Variants in MOCOS observed in about 807,000 individuals in gnomAD.
MOCOS encodes the protein molybdenum cofactor sulfurase, also known as human molybdenum cofactor sulfurase.
A neutral mutation model predicts 83.6 loss-of-function variants in MOCOS; 86 were observed. That is an observed-to-expected ratio of 1.03 (90% CI 0.86 to 1.23). The LOEUF (loss-of-function observed/expected upper bound fraction) is 1.23, where lower values mean the gene tolerates loss of function less well. Among genes scored for constraint, MOCOS ranks in the 50% most tolerant of loss-of-function variants. The pLI is 0.00. For missense variants in MOCOS, 1,120 were observed against 1,126.9 expected (o/e 0.99, Z 0.09); for synonymous variants, 445 against 434.7 (o/e 1.02, Z -0.29).
At chr18:36,254,464 G>C (rs1241916224) in intron 11 of MOCOS, among the ~76,000 whole-genome samples, 39 of 103,702 alleles carry the variant, frequency 3.8e-4, no homozygotes, top group African/African-American at 1.1e-3. Context: ...ATCTCTGTGT[G>C]TGTGTGTGTG....
chr18:36,207,846 T>C (rs1414903710), intron 6 of MOCOS, among the ~76,000 whole-genome samples: 2 of 152,200 alleles, frequency 1.3e-5, no homozygotes, highest in African/African-American at 4.8e-5. Flanking sequence ...GCTTTTGGAG[T>C]CTTCATCATG....
chr18:36,266,707 T>A (rs1245146011), intron 13 of MOCOS, 42 bp from the exon 14 acceptor site: 7 of 1,553,054 alleles, frequency 4.5e-6, no homozygotes, highest in Non-Finnish European at 6.2e-6. Context: ...AAGGCTCTGG[T>A]CACTTTTGTG....
chr18:36,191,752 A>G (rs370713552), intron 1 of MOCOS, among the ~76,000 whole-genome samples: 3 of 884 alleles, frequency 3.4e-3, no homozygotes, highest in Non-Finnish European at 0.031. Flanking sequence ...ATACGTGTGC[A>G]CACACACACA....
At position 36,231,714 on chromosome 18, in the gene MOCOS, G is replaced by C. The variant is rs73432636; in HGVS notation, c.1960+11497G>C. Among the ~76,000 whole-genome samples the C allele has an allele frequency of 5.6e-3, 851 of 152,262 alleles. 4 individuals carry two copies. The highest frequency in any genetic ancestry group is 0.019 in the African/African-American group (789 of 41,560). ...GTCTATTTCTAAAGGATTGAAGGTA[G>C]CTTAGAGAACAATGACCCACGATGT... On this transcript the variant is annotated intron_variant, in intron 9 of 14. Coordinates refer to ENST00000261326, the MANE Select transcript of MOCOS (RefSeq NM_017947.4).
intron 8 of MOCOS, among the ~76,000 whole-genome samples, chr18:36,219,477 G>C (rs2091487706): frequency 6.6e-6 from 1 of 152,048 alleles, no homozygotes; most frequent in Non-Finnish European, 1.5e-5. Flanking sequence ...TCAGGAGTTT[G>C]AGACCAGCCT....
Position 36,270,747 on chromosome 18 carries a change from A to T in MOCOS, c.*2062A>T, listed in dbSNP as rs971062759. On this transcript the variant is annotated 3_prime_UTR_variant, in exon 15 of 15. Transcript: ENST00000261326. The stretch of plus-strand genomic sequence containing the variant: ...AAAAAAAAATTAGGTCACTTTTGTC[A>T]TCAAGAATATGTTTTTCTTATCCAC... 1 of 151,052 alleles carries T rather than the reference A, an allele frequency of 6.6e-6. No homozygotes were observed. Among genetic ancestry groups the T allele is most frequent in the African/African-American group, 2.4e-5 (1 of 41,018 alleles). 9.4% of individuals were successfully genotyped at this position (151,052 alleles called of 1,614,324 possible).
rs114879696 is a variant in MOCOS at position 36,194,998 on chromosome 18, G to A, written c.143-259G>A. ...AATGTCTGCTGGGCGTCTTCTCTGT[G>A]TGGGATGCTGTTCCAGGTTCACAAA... On this transcript the variant is annotated intron_variant, in intron 1 of 14. Transcript: ENST00000261326. 4.5e-3 allele frequency among the ~76,000 whole-genome samples: 688 copies of A among 152,340 alleles called. 6 individuals are homozygous for A. The highest frequency in any genetic ancestry group is 0.015 in the African/African-American group (625 of 41,580).
chr18:36,201,194 AC>A (rs778694331), intron 4 of MOCOS, among the ~76,000 whole-genome samples: 1 of 151,878 alleles, frequency 6.6e-6, no homozygotes, highest in Non-Finnish European at 1.5e-5. Flanking sequence ...TCCCCAACAG[AC>A]CCCACACAGA....
At chr18:36,255,268 G>A (rs2091637486) in intron 11 of MOCOS, among the ~76,000 whole-genome samples, 1 of 152,170 alleles carries the variant, frequency 6.6e-6, no homozygotes, top group Admixed American at 6.5e-5. Flanking sequence ...AGTTTCGTTA[G>A]TGCAGTGTCA....
chr18:36,215,224 C>A (rs921234143), intron 7 of MOCOS, among the ~76,000 whole-genome samples: 13 of 152,170 alleles, frequency 8.5e-5, no homozygotes, highest in African/African-American at 3.1e-4. Flanking sequence ...GTGAGCCAGC[C>A]CTGTGCCTGG....
chr18:36,259,323 T>A lies in MOCOS; in HGVS notation c.2271-714T>A, dbSNP rs368647875. Among the ~76,000 whole-genome samples the A allele has an allele frequency of 4.0e-5, 6 of 151,846 alleles. No individual in the cohort carries two copies. The East Asian group carries it at 7.8e-4, about 20-fold the overall frequency. ...AGCTGGGCATGGTGGCACATGCTTG[T>A]AGTCCCACCTACTTGGGAGGCTGAG... is the stretch of plus-strand genomic sequence containing the variant. On this transcript the variant is annotated intron_variant, in intron 12 of 14. Coordinates refer to ENST00000261326, the MANE Select transcript of MOCOS (RefSeq NM_017947.4).
At chr18:36,250,094 A>G (rs1056153867) in intron 10 of MOCOS, among the ~76,000 whole-genome samples, 5 of 152,164 alleles carry the variant, frequency 3.3e-5, no homozygotes, top group African/African-American at 7.2e-5. Context: ...AAATTTTCCA[A>G]TCTTGGGAAA....
rs192954672 is a variant in MOCOS, at chr18:36,220,541, A to G, written c.1960+324A>G. Among the ~76,000 whole-genome samples the G allele has an allele frequency of 6.7e-3, 1,022 of 152,230 alleles. 3 individuals carry two copies. The highest frequency in any genetic ancestry group is 0.012 in the Non-Finnish European group (829 of 68,012). ...AAAATGGGTAAAATAACCTGAAAGT[A>G]AGGGAAATAGTGTCTAGGAAACACA... On this transcript the variant is annotated intron_variant, in intron 9 of 14. Coordinates refer to ENST00000261326, the MANE Select transcript of MOCOS (RefSeq NM_017947.4).
At chr18:36,239,337 C>G (rs1239177371) in intron 9 of MOCOS, among the ~76,000 whole-genome samples, 1 of 149,236 alleles carries the variant, frequency 6.7e-6, no homozygotes, top group East Asian at 2.0e-4. Flanking sequence ...CTGGTGGTGA[C>G]AAAATCTCTC....
chr18:36,241,060 T>C (rs1391827979), intron 9 of MOCOS, among the ~76,000 whole-genome samples: 1 of 152,174 alleles, frequency 6.6e-6, no homozygotes, highest in Admixed American at 6.5e-5. Flanking sequence ...ATGAACCCAG[T>C]ACCTCAGATG....
intron 13 of MOCOS, among the ~76,000 whole-genome samples, chr18:36,263,108 C>CA (rs960477698): frequency 6.6e-5 from 10 of 151,458 alleles, no homozygotes; most frequent in African/African-American, 2.4e-4. Context: ...GACCCTGTCT[C>CA]AAAAAAAAGC....
chr18:36,266,839 A>G lies in MOCOS; in HGVS notation c.2500A>G (p.Ser834Gly). 6.2e-7 allele frequency: 1 copy of G among 1,613,964 alleles called. No homozygotes were observed. The highest frequency in any genetic ancestry group is 8.5e-7 in the Non-Finnish European group (1 of 1,179,922). ...NQHVFQKLSE[S>G]RETKVNFGMY... ...GCATGTTTTCCAAAAACTTTCTGAG[A>G]GTCGTGAAACAAAGGTAAGCGTGAT... is the stretch of plus-strand genomic sequence containing the variant. The change falls in exon 14 of 15, where the codon AGT becomes GGT. Residue 834 changes from serine to glycine, a missense_variant. Coordinates refer to ENST00000261326, the MANE Select transcript of MOCOS (RefSeq NM_017947.4).
At chr18:36,245,221 G>T (rs981880929) in intron 9 of MOCOS, among the ~76,000 whole-genome samples, 2 of 152,074 alleles carry the variant, frequency 1.3e-5, no homozygotes, top group Non-Finnish European at 2.9e-5. Flanking sequence ...TATAAGCTGT[G>T]TGAGCTTTAT....
chr18:36,204,235 TTCC>T (rs2091425881), intron 5 of MOCOS, among the ~76,000 whole-genome samples: 1 of 152,158 alleles, frequency 6.6e-6, no homozygotes, highest in Admixed American at 6.5e-5. Context: ...AACTCTCTAT[TTCC>T]TCCTCCCCTT....
Sources: gnomAD v4.1 joint callset for allele counts (sites outside exome capture counted in the v4.1 genomes callset) on GRCh38, gnomAD v4.1.1 for gene constraint, MANE v1.5 for transcripts, NCBI Gene and HGNC (gene_info 2026-07-23, HGNC 2026-07-21) for gene names.